The following NRG1 variants were observed in gnomAD, a reference collection of about 807,000 sequenced individuals.
NRG1 encodes the protein pro-neuregulin-1, membrane-bound isoform.
NRG1 carries 18 observed loss-of-function variants against 63.8 expected under a neutral mutation model. The observed-to-expected ratio is 0.28, with a 90% CI of 0.19 to 0.42. NRG1 has a LOEUF of 0.42. Among genes scored for constraint, NRG1 ranks in the 10% least tolerant of loss-of-function variants. The pLI is 1.00. For synonymous variants in NRG1, 302 were observed against 301.3 expected (o/e 1.00, Z -0.02); for missense variants, 762 against 814.7 (o/e 0.94, Z 0.79).
rs1160754327 is a variant in NRG1 at position 31,658,941 on chromosome 8, T to C, written c.37+19510T>C. 3.3e-5 allele frequency among the ~76,000 whole-genome samples: 5 copies of C among 152,212 alleles called. No individual in the cohort carries two copies. The East Asian group carries it at 7.7e-4, about 23-fold the overall frequency. On this transcript the variant is annotated intron_variant, in intron 1 of 10. Transcript: ENST00000519301. Reference sequence around the variant, plus strand: ...AACCCAGCGGTTCTCCTAAAATGCATGCCAAAGGTCCTTTGACAGGGTGCT... The same window carrying C: ...AACCCAGCGGTTCTCCTAAAATGCACGCCAAAGGTCCTTTGACAGGGTGCT...
chr8:31,963,259 C>A (rs1342340356), intron 1 of NRG1, among the ~76,000 whole-genome samples: 1 of 152,196 alleles, frequency 6.6e-6, no homozygotes, highest in Non-Finnish European at 1.5e-5. Context: ...TAATTTTCCT[C>A]CTGGTCTAAT....
intron 1 of NRG1, among the ~76,000 whole-genome samples, chr8:31,655,896 G>A (rs1457873556): frequency 2.6e-5 from 4 of 152,236 alleles, no homozygotes; most frequent in African/African-American, 4.8e-5. Context: ...ATGGCCCCCA[G>A]TGTTCTGGCT....
At chr8:31,731,108 C>A (rs549230998) in intron 1 of NRG1, among the ~76,000 whole-genome samples, 1 of 152,066 alleles carries the variant, frequency 6.6e-6, no homozygotes, top group South Asian at 2.1e-4. Context: ...TTCTGGAAAG[C>A]GATTTGGCAA....
At chr8:32,228,454 C>T (rs550184450) in intron 1 of NRG1, among the ~76,000 whole-genome samples, 2 of 152,094 alleles carry the variant, frequency 1.3e-5, no homozygotes, top group South Asian at 2.1e-4. Flanking sequence ...TCAATAGTAG[C>T]GTGAGTATCT....
intron 1 of NRG1, among the ~76,000 whole-genome samples, chr8:31,839,834 A>G (rs994494652): frequency 6.6e-6 from 1 of 152,064 alleles, no homozygotes; most frequent in Non-Finnish European, 1.5e-5. Context: ...CAGGTCTTTC[A>G]TTAGTGAAAC....
chr8:32,220,438 C>T (rs1563921929), intron 1 of NRG1, among the ~76,000 whole-genome samples: 1 of 146,912 alleles, frequency 6.8e-6, no homozygotes, highest in Non-Finnish European at 1.5e-5. Flanking sequence ...AGCAGGGGCT[C>T]GGGGTGGGAG....
intron 1 of NRG1, among the ~76,000 whole-genome samples, chr8:31,875,071 T>C (rs974107298): frequency 3.9e-5 from 6 of 152,310 alleles, no homozygotes; most frequent in Middle Eastern, 3.4e-3. Context: ...AGTGGCCATC[T>C]AAGTGATGCC....
At chr8:31,899,583 G>T (rs1831899162) in intron 1 of NRG1, among the ~76,000 whole-genome samples, 2 of 152,120 alleles carry the variant, frequency 1.3e-5, no homozygotes, top group African/African-American at 2.4e-5. Context: ...CATTGGCTGA[G>T]TTGGAATACC....
intron 1 of NRG1, among the ~76,000 whole-genome samples, chr8:32,528,720 A>G (rs1349226795): frequency 6.6e-6 from 1 of 152,178 alleles, no homozygotes; most frequent in Non-Finnish European, 1.5e-5. Context: ...TATAGGTCCT[A>G]TTATAAACAA....
At chr8:32,343,589 C>A (rs561833396) in intron 1 of NRG1, among the ~76,000 whole-genome samples, 15 of 152,250 alleles carry the variant, frequency 9.9e-5, no homozygotes, top group African/African-American at 3.6e-4. Flanking sequence ...AGAGCCATAA[C>A]CTTGCTGGCT....
At chr8:32,332,225 A>G (rs1802741178) in intron 1 of NRG1, among the ~76,000 whole-genome samples, 1 of 152,206 alleles carries the variant, frequency 6.6e-6, no homozygotes, top group East Asian at 1.9e-4. Flanking sequence ...GATATGATCA[A>G]TTTGCTGTCT....
intron 1 of NRG1, among the ~76,000 whole-genome samples, chr8:31,993,443 G>A (rs143903179): frequency 1.3e-5 from 2 of 152,112 alleles, no homozygotes; most frequent in East Asian, 3.9e-4. Context: ...GTTGGTGCCA[G>A]GTGGAGATGA....
chr8:32,760,903 T>C (rs988687588), intron 11 of NRG1: 3 of 993,608 alleles, frequency 3.0e-6, no homozygotes, highest in Non-Finnish European at 2.4e-6. Flanking sequence ...CTGAATGTCA[T>C]GGGGGGCAAC....
chr8:31,900,112 T>A (rs1242102649), intron 1 of NRG1, among the ~76,000 whole-genome samples: 1 of 152,176 alleles, frequency 6.6e-6, no homozygotes, highest in Non-Finnish European at 1.5e-5. Flanking sequence ...CAATTAAGAA[T>A]GCTGCTTGAT....
chr8:31,824,848 T>C (rs4733278), intron 1 of NRG1, among the ~76,000 whole-genome samples: 90,661 of 152,044 alleles, frequency 0.6, 27,414 homozygotes, highest in East Asian at 0.87. Flanking sequence ...ATTAGGAAGA[T>C]TGATTTGTTT....
intron 1 of NRG1, among the ~76,000 whole-genome samples, chr8:32,529,573 A>T (rs1293162695): frequency 1.3e-5 from 2 of 152,148 alleles, no homozygotes; most frequent in African/African-American, 2.4e-5. Context: ...TTCTTTCTTC[A>T]TATTCTTATT....
At chr8:32,672,689 T>G (rs1449037281) in intron 5 of NRG1, among the ~76,000 whole-genome samples, 5 of 152,192 alleles carry the variant, frequency 3.3e-5, no homozygotes, top group African/African-American at 1.2e-4. Flanking sequence ...ATTTAATATC[T>G]TTCATCTTAA....
At chr8:31,941,559 A>AAAG (rs1801753862) in intron 1 of NRG1, among the ~76,000 whole-genome samples, 1 of 152,140 alleles carries the variant, frequency 6.6e-6, no homozygotes, top group African/African-American at 2.4e-5. Flanking sequence ...CAGACAAGAC[A>AAAG]AAGAAATTAA....
intron 1 of NRG1, among the ~76,000 whole-genome samples, chr8:31,923,318 C>A (rs2129619205): frequency 6.6e-6 from 1 of 151,646 alleles, no homozygotes; most frequent in African/African-American, 2.4e-5. Context: ...AATATTAGAC[C>A]AATATTATGT....
Sources: gnomAD v4.1 joint callset for allele counts (sites outside exome capture counted in the v4.1 genomes callset) on GRCh38, gnomAD v4.1.1 for gene constraint, MANE v1.5 for transcripts, NCBI Gene and HGNC (gene_info 2026-07-23, HGNC 2026-07-21) for gene names.